Variants in EPHA7 observed in about 807,000 individuals in gnomAD.
EPHA7 encodes the protein ephrin type-A receptor 7.
Under a neutral mutation model 112.6 loss-of-function variants are expected in EPHA7, and 25 were observed. The ratio of observed to expected loss-of-function variants is 0.22; its 90% confidence interval spans 0.16 to 0.31. The LOEUF is 0.31. Ranked by LOEUF, EPHA7 falls within the 10% of genes least tolerant of loss-of-function variation. The pLI is 1.00. For synonymous variants in EPHA7, 437 were observed against 406.5 expected, an observed-to-expected ratio of 1.07 and a Z score of -0.90; for missense variants, 962 against 1,212.6, an observed-to-expected ratio of 0.79 and a Z score of 3.07.
chr6:93,386,620 A>G (rs1777619589), intron 3 of EPHA7, among the ~76,000 whole-genome samples: 1 of 152,004 alleles, frequency 6.6e-6, no homozygotes, highest in Non-Finnish European at 1.5e-5. Flanking sequence ...CCCAGTGGGG[A>G]GTCTGTGTGG....
rs565683306 is a variant in EPHA7, at chr6:93,314,955, C to T, written c.1324+41762G>A. Among the ~76,000 whole-genome samples, 1,154 of 146,068 alleles carry T rather than the reference C, an allele frequency of 7.9e-3. 23 individuals carry two copies. The highest frequency in any genetic ancestry group is 0.026 in the African/African-American group (1,017 of 38,930). On this transcript the variant is annotated intron_variant, in intron 5 of 16. Transcript: ENST00000369303. ...TCGGCTCACTGCAAGCTCCGCCTCC[C>T]GGGTTCACGCCATTCTCCTGCCTCA...
chr6:93,382,040 G>T (rs139966868), intron 3 of EPHA7, among the ~76,000 whole-genome samples: 1 of 152,252 alleles, frequency 6.6e-6, no homozygotes, highest in African/African-American at 2.4e-5. Flanking sequence ...TAAGTCAACT[G>T]TACACATTAT....
At chr6:93,337,849 T>G (rs1462989457) in intron 5 of EPHA7, among the ~76,000 whole-genome samples, 1 of 152,078 alleles carries the variant, frequency 6.6e-6, no homozygotes, top group African/African-American at 2.4e-5. Context: ...ATATGACTCT[T>G]GTGACACTGG....
intron 1 of EPHA7, 33 bp from the exon 2 acceptor site, chr6:93,414,800 A>T (rs1226111394): frequency 6.4e-7 from 1 of 1,570,312 alleles, no homozygotes; most frequent in Admixed American, 1.7e-5. Flanking sequence ...CATATGTTAC[A>T]TGAAACACTT....
intron 3 of EPHA7, among the ~76,000 whole-genome samples, chr6:93,394,662 A>C (rs1380455326): frequency 1.3e-5 from 2 of 151,850 alleles, no homozygotes; most frequent in Non-Finnish European, 2.9e-5. Flanking sequence ...AATAAGTACA[A>C]ATAAACAAGA....
chr6:93,265,108 C>T (rs906659588), intron 7 of EPHA7, among the ~76,000 whole-genome samples: 1 of 151,468 alleles, frequency 6.6e-6, no homozygotes, highest in African/African-American at 2.4e-5. Flanking sequence ...AAAATACATA[C>T]CTCATGTATT....
intron 3 of EPHA7, among the ~76,000 whole-genome samples, chr6:93,362,112 T>G (rs541730052): frequency 6.6e-6 from 1 of 152,198 alleles, no homozygotes; most frequent in Admixed American, 6.5e-5. Flanking sequence ...CCTTAGGGCC[T>G]TAATGAATAA....
intron 5 of EPHA7, among the ~76,000 whole-genome samples, chr6:93,283,444 T>G (rs981937255): frequency 1.3e-5 from 2 of 152,050 alleles, no homozygotes; most frequent in Admixed American, 6.5e-5. Context: ...GCTTTTTCAC[T>G]CTTTGTGATA....
intron 5 of EPHA7, among the ~76,000 whole-genome samples, chr6:93,324,394 A>G (rs1439669227): frequency 6.6e-6 from 1 of 151,334 alleles, no homozygotes; most frequent in East Asian, 1.9e-4. Context: ...GTGCCACTAG[A>G]TTTTCTAGCT....
chr6:93,352,472 T>C (rs999885042), intron 5 of EPHA7, among the ~76,000 whole-genome samples: 2 of 152,152 alleles, frequency 1.3e-5, no homozygotes, highest in Non-Finnish European at 2.9e-5. Context: ...ATTCTGAAAC[T>C]CTAGACTGAC....
At chr6:93,326,259 C>A (rs1774314250) in intron 5 of EPHA7, among the ~76,000 whole-genome samples, 2 of 151,362 alleles carry the variant, frequency 1.3e-5, no homozygotes, top group South Asian at 4.1e-4. Context: ...CAGCAAATTA[C>A]CTGGCATACA....
chr6:93,362,337 A>G (rs1032264917), intron 3 of EPHA7, among the ~76,000 whole-genome samples: 1 of 152,086 alleles, frequency 6.6e-6, no homozygotes, highest in Non-Finnish European at 1.5e-5. Flanking sequence ...AAGATCTGCT[A>G]TATTACTGTT....
chr6:93,304,898 C>G (rs980488403), intron 5 of EPHA7, among the ~76,000 whole-genome samples: 1 of 151,988 alleles, frequency 6.6e-6, no homozygotes, highest in African/African-American at 2.4e-5. Context: ...TGGTTTGCTT[C>G]CTTTCCTCTT....
At chr6:93,285,141 G>A (rs1771999870) in intron 5 of EPHA7, among the ~76,000 whole-genome samples, 2 of 152,240 alleles carry the variant, frequency 1.3e-5, no homozygotes, top group South Asian at 4.2e-4. Flanking sequence ...TTTATTGCAA[G>A]AATCTGTTAC....
intron 3 of EPHA7, among the ~76,000 whole-genome samples, chr6:93,364,989 A>C (rs1776438251): frequency 6.6e-6 from 1 of 152,158 alleles, no homozygotes; most frequent in African/African-American, 2.4e-5. Flanking sequence ...ATTTCTGAAT[A>C]GATATTAAAC....
chr6:93,415,775 T>A (rs1024772606), intron 1 of EPHA7, among the ~76,000 whole-genome samples: 1 of 152,140 alleles, frequency 6.6e-6, no homozygotes, highest in African/African-American at 2.4e-5. Flanking sequence ...GTCAATAGGC[T>A]TAACATCAGC....
chr6:93,272,008 A>G lies in EPHA7; in HGVS notation c.1449+290T>C, dbSNP rs531112219. On this transcript the variant is annotated intron_variant, in intron 6 of 16. Transcript: ENST00000369303. ...GCTGTGTGGTTTCTGTGGTACTAAAATATCCTACATCTAATTACTACAATA... is the reference window on the plus strand; with the variant it reads ...GCTGTGTGGTTTCTGTGGTACTAAAGTATCCTACATCTAATTACTACAATA... 2.6e-5 allele frequency among the ~76,000 whole-genome samples: 4 copies of G among 152,002 alleles called. No homozygotes were observed. The East Asian group carries it at 7.8e-4, about 29-fold the overall frequency.
At chr6:93,324,531 T>C (rs973908341) in intron 5 of EPHA7, among the ~76,000 whole-genome samples, 12 of 151,282 alleles carry the variant, frequency 7.9e-5, no homozygotes, top group African/African-American at 2.9e-4. Context: ...TCATACAACA[T>C]GTAAGTGCAC....
In EPHA7 at chr6:93,364,416, C is replaced by G. The variant is rs139549066; in HGVS notation, c.833-6005G>C. 3.3e-5 allele frequency among the ~76,000 whole-genome samples: 5 copies of G among 151,440 alleles called. No individual in the cohort carries two copies. In the East Asian group the frequency reaches 9.8e-4, roughly 30 times the overall value. ...GCAGGCACCTGTAACCCCAGCTACT[C>G]GGAAGGCTGAAGCAGGAGAATCACT... On this transcript the variant is annotated intron_variant, in intron 3 of 16. Coordinates refer to ENST00000369303, the MANE Select transcript of EPHA7 (RefSeq NM_004440.4).
Sources: allele counts gnomAD v4.1 joint callset (sites outside exome capture counted in the v4.1 genomes callset), GRCh38; gene constraint gnomAD v4.1.1; transcripts MANE v1.5; gene names NCBI Gene and HGNC (gene_info 2026-07-23, HGNC 2026-07-21).